Variants in CSMD1 observed in about 807,000 individuals in gnomAD.
CSMD1 encodes CUB and sushi domain-containing protein 1.
A neutral mutation model predicts 417.5 loss-of-function variants in CSMD1; 213 were observed. The ratio of observed to expected loss-of-function variants is 0.51; its 90% confidence interval spans 0.46 to 0.57. The LOEUF is 0.57. Ranked by LOEUF, CSMD1 falls within the 20% of genes least tolerant of loss-of-function variation. The probability of loss-of-function intolerance (pLI) is 0.00; values close to 1 mark genes in which losing one functional copy is unlikely to be tolerated. For missense variants in CSMD1, 6,923 were observed against 4,529.7 expected (o/e 1.53, Z -15.17); for synonymous variants, 2,862 against 1,736.8 (o/e 1.65, Z -16.11).
At position 4,404,496 on chromosome 8, in the gene CSMD1, A is replaced by G. The variant is rs1282124635; in HGVS notation, c.415+15457T>C. Among the ~76,000 whole-genome samples, 5 of 152,194 alleles carry G rather than the reference A, an allele frequency of 3.3e-5. No individual in the cohort carries two copies. The East Asian group carries it at 9.6e-4, about 29-fold the overall frequency. On this transcript the variant is annotated intron_variant, in intron 3 of 69. Coordinates refer to ENST00000635120, the MANE Select transcript of CSMD1 (RefSeq NM_033225.6). ...TGTTTGAGGCATATTGAGTGATACA[A>G]AGATGAGCAGTGGGGGGCAAAAAAT...
intron 4 of CSMD1, 85 bp downstream of exon 4, chr8:4,031,820 T>A: frequency 9.5e-7 from 1 of 1,057,882 alleles, no homozygotes; most frequent in Non-Finnish European, 1.3e-6. Flanking sequence ...ATTATTTTCA[T>A]TTAAGTGGAA....
chr8:3,664,542 G>T (rs577465692), intron 7 of CSMD1, among the ~76,000 whole-genome samples: 3 of 152,178 alleles, frequency 2.0e-5, no homozygotes, highest in Non-Finnish European at 4.4e-5. Context: ...GGTCAAGAGC[G>T]TGAGTGTTTC....
chr8:4,305,421 G>C (rs1172828451), intron 3 of CSMD1, among the ~76,000 whole-genome samples: 2 of 152,066 alleles, frequency 1.3e-5, no homozygotes, highest in Non-Finnish European at 2.9e-5. Context: ...TAAGTGAAAG[G>C]GATAATCGAC....
intron 5 of CSMD1, among the ~76,000 whole-genome samples, chr8:3,780,272 C>G (rs1232033161): frequency 6.6e-6 from 1 of 152,182 alleles, no homozygotes; most frequent in Non-Finnish European, 1.5e-5. Context: ...AGAAATACTA[C>G]AGAAGAGGCT....
intron 3 of CSMD1, among the ~76,000 whole-genome samples, chr8:4,198,599 C>A (rs556221879): frequency 2.0e-5 from 3 of 152,142 alleles, no homozygotes; most frequent in African/African-American, 7.2e-5. Context: ...TTGATTTTAA[C>A]GTAATGAGTC....
At chr8:3,772,396 C>CATATATTCATATATCTATATATAT (rs1246977888) in intron 5 of CSMD1, among the ~76,000 whole-genome samples, 2 of 68,410 alleles carry the variant, frequency 2.9e-5, no homozygotes, top group Non-Finnish European at 4.9e-5. Flanking sequence ...TTTATATATA[C>CATATATTCATATATCTATATATAT]ACATATATAC....
chr8:4,899,286 A>G (rs1237766346), intron 1 of CSMD1, among the ~76,000 whole-genome samples: 3 of 152,210 alleles, frequency 2.0e-5, no homozygotes, highest in Admixed American at 6.5e-5. Flanking sequence ...TAAGCAAAAC[A>G]TAACATTATT....
At chr8:2,986,575 G>A (rs1429322281) in intron 54 of CSMD1, among the ~76,000 whole-genome samples, 1 of 152,088 alleles carries the variant, frequency 6.6e-6, no homozygotes, top group Non-Finnish European at 1.5e-5. Flanking sequence ...CGCGATCTCA[G>A]CTCACTGCAA....
intron 33 of CSMD1, among the ~76,000 whole-genome samples, chr8:3,194,459 TATTTC>T (rs1165903189): frequency 4.1e-5 from 5 of 122,872 alleles, no homozygotes; most frequent in Non-Finnish European, 8.8e-5. Flanking sequence ...TATTTTATTT[TATTTC>T]ATTTCATTTT....
intron 8 of CSMD1, among the ~76,000 whole-genome samples, chr8:3,616,088 A>T (rs867015132): frequency 3.3e-5 from 5 of 152,188 alleles, no homozygotes; most frequent in African/African-American, 9.7e-5. Flanking sequence ...CTATGAGGAG[A>T]TAATTAAATA....
At chr8:3,329,940 A>T (rs1329654031) in intron 23 of CSMD1, among the ~76,000 whole-genome samples, 1 of 152,208 alleles carries the variant, frequency 6.6e-6, no homozygotes, top group Non-Finnish European at 1.5e-5. Context: ...TGGGTTAAAG[A>T]AACTGTATTA....
chr8:3,940,063 C>G (rs1020748376), intron 5 of CSMD1, among the ~76,000 whole-genome samples: 5 of 151,164 alleles, frequency 3.3e-5, no homozygotes, highest in African/African-American at 1.2e-4. Context: ...TGTAGATTTA[C>G]ATATAAAATA....
chr8:3,118,830 A>C (rs560836752), intron 41 of CSMD1, among the ~76,000 whole-genome samples: 11 of 152,326 alleles, frequency 7.2e-5, no homozygotes, highest in African/African-American at 2.6e-4. Flanking sequence ...GCACATACCA[A>C]AAGTAAATTT....
At chr8:4,470,795 C>G (rs1413886523) in intron 2 of CSMD1, among the ~76,000 whole-genome samples, 2 of 152,204 alleles carry the variant, frequency 1.3e-5, no homozygotes, top group African/African-American at 2.4e-5. Context: ...TAAGGATTGT[C>G]TAACACATTC....
At chr8:3,711,870 G>A (rs73185357) in intron 6 of CSMD1, among the ~76,000 whole-genome samples, 50,179 of 152,026 alleles carry the variant, frequency 0.33, 8,447 homozygotes, top group East Asian at 0.49. Context: ...AGAACTCAAC[G>A]CAAATGTCAC....
chr8:4,298,374 T>A (rs1378493753), intron 3 of CSMD1, among the ~76,000 whole-genome samples: 1 of 152,200 alleles, frequency 6.6e-6, no homozygotes, highest in Non-Finnish European at 1.5e-5. Flanking sequence ...AGTTTTTATT[T>A]ACTGTATTTG....
At chr8:3,463,142 G>T (rs1196105988) in intron 12 of CSMD1, among the ~76,000 whole-genome samples, 1 of 152,146 alleles carries the variant, frequency 6.6e-6, no homozygotes, top group African/African-American at 2.4e-5. Flanking sequence ...TCCATATTCT[G>T]TTACGGCAAC....
chr8:4,706,266 C>A (rs1448039404), intron 1 of CSMD1, among the ~76,000 whole-genome samples: 1 of 151,910 alleles, frequency 6.6e-6, no homozygotes, highest in Non-Finnish European at 1.5e-5. Flanking sequence ...CCTAAAATTT[C>A]TCTTTTAATT....
At chr8:3,475,241 C>T (rs542493054) in intron 11 of CSMD1, among the ~76,000 whole-genome samples, 26 of 152,186 alleles carry the variant, frequency 1.7e-4, no homozygotes, top group Non-Finnish European at 7.3e-5. Flanking sequence ...TTCAGTTTCA[C>T]AGAAAACTGC....
Sources: allele counts gnomAD v4.1 joint callset (sites outside exome capture counted in the v4.1 genomes callset), GRCh38; gene constraint gnomAD v4.1.1; transcripts MANE v1.5; gene names NCBI Gene and HGNC (gene_info 2026-07-23, HGNC 2026-07-21).